KCNMB2: variants seen among roughly 807,000 people sequenced by gnomAD.
KCNMB2 encodes the protein calcium-activated potassium channel subunit beta-2.
In KCNMB2, 9 loss-of-function variants were observed where a neutral mutation model predicts 24.5. That is an observed-to-expected ratio of 0.37 (90% CI 0.22 to 0.64). KCNMB2 has a LOEUF of 0.64. Among genes scored for constraint, KCNMB2 ranks in the 30% least tolerant of loss-of-function variants. KCNMB2 has a pLI of 0.63. For missense variants in KCNMB2, 226 were observed against 284.3 expected, an observed-to-expected ratio of 0.79 and a Z score of 1.47; for synonymous variants, 109 against 104.4, an observed-to-expected ratio of 1.04 and a Z score of -0.27.
intron 1 of KCNMB2, among the ~76,000 whole-genome samples, chr3:178,571,447 G>GAGATATAT (rs1491315279): frequency 2.3e-4 from 21 of 91,112 alleles, no homozygotes; most frequent in African/African-American, 6.0e-4. Context: ...TTTCCTTATG[G>GAGATATAT]ATATATATAT....
At chr3:178,608,387 CTTTT>C (rs71628067) in intron 1 of KCNMB2, among the ~76,000 whole-genome samples, 1 of 151,750 alleles carries the variant, frequency 6.6e-6, no homozygotes, top group Non-Finnish European at 1.5e-5. Flanking sequence ...TTAATTTATC[CTTTT>C]TTTAATTTTT....
chr3:178,777,603 G>T (rs1378000804), intron 1 of KCNMB2, among the ~76,000 whole-genome samples: 1 of 152,186 alleles, frequency 6.6e-6, no homozygotes, highest in Non-Finnish European at 1.5e-5. Flanking sequence ...CTAACAATAA[G>T]AGGGTTTGTC....
At chr3:178,735,158 T>C (rs991326520) in intron 1 of KCNMB2, among the ~76,000 whole-genome samples, 1 of 152,208 alleles carries the variant, frequency 6.6e-6, no homozygotes, top group Admixed American at 6.5e-5. Context: ...GCACTCCTTA[T>C]GAAGTAAGAT....
intron 1 of KCNMB2, among the ~76,000 whole-genome samples, chr3:178,576,754 C>A (rs1306920916): frequency 6.6e-6 from 1 of 152,220 alleles, no homozygotes; most frequent in Non-Finnish European, 1.5e-5. Context: ...GAGCCCACCA[C>A]ACCTTGGCAA....
intron 1 of KCNMB2, among the ~76,000 whole-genome samples, chr3:178,792,903 T>C (rs1385967865): frequency 6.6e-6 from 1 of 152,242 alleles, no homozygotes; most frequent in East Asian, 1.9e-4. Flanking sequence ...TCACAGCACC[T>C]GTCTGAGCAC....
intron 1 of KCNMB2, among the ~76,000 whole-genome samples, chr3:178,806,621 A>G (rs554013518): frequency 2.0e-4 from 31 of 151,958 alleles, no homozygotes; most frequent in Admixed American, 1.3e-3. Flanking sequence ...GTGGAAAACA[A>G]TAATAGCTAA....
chr3:178,647,290 C>G (rs1462860500), intron 1 of KCNMB2, among the ~76,000 whole-genome samples: 1 of 152,150 alleles, frequency 6.6e-6, no homozygotes, highest in Non-Finnish European at 1.5e-5. Flanking sequence ...TCCTATTAGA[C>G]AGATGAAGTT....
chr3:178,805,392 G>A (rs946383537), intron 1 of KCNMB2, among the ~76,000 whole-genome samples: 6 of 152,154 alleles, frequency 3.9e-5, no homozygotes, highest in African/African-American at 1.4e-4. Flanking sequence ...CAAACTCTCC[G>A]TGGTACAGAC....
At chr3:178,819,978 T>A (rs1420673822) in intron 2 of KCNMB2, among the ~76,000 whole-genome samples, 1 of 152,144 alleles carries the variant, frequency 6.6e-6, no homozygotes, top group Non-Finnish European at 1.5e-5. Flanking sequence ...ACTTAGCTTT[T>A]AAAAATATCA....
chr3:178,820,651 C>T (rs1472146315), intron 2 of KCNMB2: 2 of 152,544 alleles, frequency 1.3e-5, no homozygotes, highest in Non-Finnish European at 2.9e-5. Flanking sequence ...GGGCTGACCC[C>T]CAATATCAAA....
chr3:178,686,045 TGA>T (rs775320270), intron 1 of KCNMB2, among the ~76,000 whole-genome samples: 17 of 149,882 alleles, frequency 1.1e-4, no homozygotes, highest in South Asian at 2.1e-4. Flanking sequence ...TGTGTGTGTG[TGA>T]GAGAGAGAGA....
intron 1 of KCNMB2, among the ~76,000 whole-genome samples, chr3:178,617,086 CGT>C (rs1417610327): frequency 1.3e-5 from 2 of 151,930 alleles, no homozygotes; most frequent in South Asian, 2.1e-4. Context: ...ATTTTTGTTG[CGT>C]GTGTTTTTTA....
chr3:178,720,117 C>G (rs1722748210), intron 1 of KCNMB2, among the ~76,000 whole-genome samples: 1 of 152,004 alleles, frequency 6.6e-6, no homozygotes, highest in Non-Finnish European at 1.5e-5. Flanking sequence ...TCTCCCAATG[C>G]TATCCCTCCC....
rs149312056 is a variant in KCNMB2 at position 178,677,708 on chromosome 3, C to T, written c.-67-129635C>T. On this transcript the variant is annotated intron_variant, in intron 1 of 4. Coordinates refer to ENST00000452583, the MANE Select transcript of KCNMB2 (RefSeq NM_181361.3). ...AAGCTTTATTTCTTAATGAGGATTA[C>T]ACCCTGAGAGGTGATCATTTTGATA... is the stretch of plus-strand genomic sequence containing the variant. 2.6e-3 allele frequency among the ~76,000 whole-genome samples: 402 copies of T among 152,320 alleles called. 4 individuals carry two copies. Among genetic ancestry groups the T allele is most frequent in the Admixed American group, 0.016 (248 of 15,296 alleles).
At chr3:178,680,705 G>C (rs907427800) in intron 1 of KCNMB2, among the ~76,000 whole-genome samples, 3 of 152,072 alleles carry the variant, frequency 2.0e-5, no homozygotes, top group African/African-American at 7.2e-5. Flanking sequence ...CGCTCTCCTG[G>C]TTTTGCTCAC....
chr3:178,837,735 G>A (rs1467793972), intron 4 of KCNMB2, among the ~76,000 whole-genome samples: 1 of 151,710 alleles, frequency 6.6e-6, no homozygotes, highest in African/African-American at 2.4e-5. Context: ...CCACATGCAT[G>A]CAATGAAAGC....
intron 1 of KCNMB2, among the ~76,000 whole-genome samples, chr3:178,766,475 T>A (rs1712126434): frequency 6.6e-6 from 1 of 152,220 alleles, no homozygotes; most frequent in South Asian, 2.1e-4. Flanking sequence ...ATTCCAGGCA[T>A]AAGCCACCAT....
intron 1 of KCNMB2, among the ~76,000 whole-genome samples, chr3:178,576,762 C>T (rs1560115929): frequency 6.6e-6 from 1 of 152,192 alleles, no homozygotes; most frequent in Non-Finnish European, 1.5e-5. Context: ...CACACCTTGG[C>T]AAAGCCGCTG....
At chr3:178,676,708 TTA>T (rs1285663588) in intron 1 of KCNMB2, among the ~76,000 whole-genome samples, 2 of 152,182 alleles carry the variant, frequency 1.3e-5, no homozygotes, top group African/African-American at 4.8e-5. Context: ...ACAGTAGTCT[TTA>T]TAGCCTGGCA....
Sources: allele counts gnomAD v4.1 joint callset (sites outside exome capture counted in the v4.1 genomes callset), GRCh38; gene constraint gnomAD v4.1.1; transcripts MANE v1.5; gene names NCBI Gene and HGNC (gene_info 2026-07-23, HGNC 2026-07-21).